REDIC1: variants seen among roughly 807,000 people sequenced by gnomAD.
REDIC1 encodes regulator of DNA class I crossover intermediates 1, also known as HEI10 Interacting Protein 1.
the REDIC1 span, among the ~76,000 whole-genome samples, chr12:39,704,638 C>T: frequency 6.6e-6 from 1 of 152,124 alleles, no homozygotes; most frequent in South Asian, 2.1e-4. Flanking sequence ...TTTATTGCGG[C>T]ATTATTTACA....
At chr12:39,667,915 C>G in the REDIC1 span, among the ~76,000 whole-genome samples, 1 of 152,006 alleles carries the variant, frequency 6.6e-6, no homozygotes, top group African/African-American at 2.4e-5. Context: ...TTTCCATTTG[C>G]TTGGTAGATC....
the REDIC1 span, among the ~76,000 whole-genome samples, chr12:39,802,088 C>G: frequency 6.6e-6 from 1 of 152,166 alleles, no homozygotes; most frequent in African/African-American, 2.4e-5. Context: ...TGGGGTTGGG[C>G]AGTTGATGGG....
At chr12:39,820,717 TTATATATA>T in the REDIC1 span, among the ~76,000 whole-genome samples, 129 of 132,430 alleles carry the variant, frequency 9.7e-4, no homozygotes, top group South Asian at 1.9e-3. Context: ...ATTTTTAAAT[TTATATATA>T]TATATATATA....
At chr12:39,721,328 A>C in the REDIC1 span, 2 of 1,254,596 alleles carry the variant, frequency 1.6e-6, no homozygotes, top group Non-Finnish European at 2.3e-6. Context: ...AAATTTCATT[A>C]ACATGATAAG....
chr12:39,900,938 A>G, the REDIC1 span, among the ~76,000 whole-genome samples: 1 of 152,180 alleles, frequency 6.6e-6, no homozygotes, highest in South Asian at 2.1e-4. Flanking sequence ...ACTTCAAACT[A>G]TACCACAAGG....
the REDIC1 span, among the ~76,000 whole-genome samples, chr12:39,839,587 A>G: frequency 1.3e-5 from 2 of 151,934 alleles, no homozygotes; most frequent in African/African-American, 2.4e-5. Flanking sequence ...CTTTCCTACA[A>G]TGTTCTCATC....
At chr12:39,710,712 G>C in the REDIC1 span, among the ~76,000 whole-genome samples, 1 of 151,588 alleles carries the variant, frequency 6.6e-6, no homozygotes, top group African/African-American at 2.4e-5. Context: ...ATCACACTTA[G>C]CTGCCTACTA....
the REDIC1 span, among the ~76,000 whole-genome samples, chr12:39,851,117 C>T: frequency 6.6e-6 from 1 of 152,072 alleles, no homozygotes. Context: ...CCAGGCTGGT[C>T]TCGAACTCCC....
the REDIC1 span, among the ~76,000 whole-genome samples, chr12:39,761,821 A>T: frequency 6.6e-6 from 1 of 152,094 alleles, no homozygotes; most frequent in East Asian, 1.9e-4. Context: ...AAACTACAAA[A>T]TCTGTAACAG....
the REDIC1 span, among the ~76,000 whole-genome samples, chr12:39,906,135 TG>T: frequency 6.1e-3 from 6 of 986 alleles, no homozygotes; most frequent in South Asian, 0.21. Flanking sequence ...TACAGAACTT[TG>T]AACTTTGTTT....
the REDIC1 span, among the ~76,000 whole-genome samples, chr12:39,844,642 A>G: frequency 6.6e-6 from 1 of 152,070 alleles, no homozygotes. Context: ...GATCAAACTC[A>G]TTTAAACACA....
At chr12:39,786,556 C>T in the REDIC1 span, among the ~76,000 whole-genome samples, 33 of 152,180 alleles carry the variant, frequency 2.2e-4, no homozygotes, top group Non-Finnish European at 3.4e-4. Flanking sequence ...ATCTGGAGTG[C>T]ATTCTAAGCA....
the REDIC1 span, among the ~76,000 whole-genome samples, chr12:39,803,210 A>AAC: frequency 6.6e-6 from 1 of 151,958 alleles, no homozygotes; most frequent in Non-Finnish European, 1.5e-5. Context: ...AATGCAAAAA[A>AAC]AAAAAAAAAA....
the REDIC1 span, among the ~76,000 whole-genome samples, chr12:39,891,909 C>T: frequency 6.6e-6 from 1 of 151,938 alleles, no homozygotes. Context: ...TATGGTTTTT[C>T]TAAAAAAATT....
At chr12:39,862,664 T>C in the REDIC1 span, among the ~76,000 whole-genome samples, 4 of 152,238 alleles carry the variant, frequency 2.6e-5, no homozygotes, top group Non-Finnish European at 4.4e-5. Context: ...TGTGATTCTT[T>C]TCCTGTTTGT....
At chr12:39,763,731 AT>A in the REDIC1 span, among the ~76,000 whole-genome samples, 1 of 152,118 alleles carries the variant, frequency 6.6e-6, no homozygotes, top group Non-Finnish European at 1.5e-5. Context: ...CTCATACTTC[AT>A]CATGAATAAT....
chr12:39,697,373 TC>T, the REDIC1 span, among the ~76,000 whole-genome samples: 5 of 152,222 alleles, frequency 3.3e-5, no homozygotes, highest in African/African-American at 2.4e-5. Flanking sequence ...AAGGAGTACT[TC>T]AGTCAGAAAG....
chr12:39,724,737 G>A, the REDIC1 span, among the ~76,000 whole-genome samples: 1 of 152,028 alleles, frequency 6.6e-6, no homozygotes, highest in African/African-American at 2.4e-5. Flanking sequence ...TTTAATATGT[G>A]GGCAAAGTGG....
chr12:39,900,644 C>A, the REDIC1 span, among the ~76,000 whole-genome samples: 3 of 152,052 alleles, frequency 2.0e-5, no homozygotes, highest in East Asian at 1.9e-4. Flanking sequence ...ACGTGAAGGA[C>A]CTCTTCAAGG....
Sources: gnomAD v4.1 joint callset for allele counts (sites outside exome capture counted in the v4.1 genomes callset) on GRCh38, gnomAD v4.1.1 for gene constraint, MANE v1.5 for transcripts, NCBI Gene and HGNC (gene_info 2026-07-23, HGNC 2026-07-21) for gene names.